NPR3: variants seen among roughly 807,000 people sequenced by gnomAD.
NPR3 encodes atrial natriuretic peptide receptor 3.
A neutral mutation model predicts 54.5 loss-of-function variants in NPR3; 34 were observed. The observed-to-expected ratio is 0.62, with a 90% CI of 0.47 to 0.83. The LOEUF (loss-of-function observed/expected upper bound fraction) is 0.83. NPR3 is among the 40% of genes least tolerant of loss of function. NPR3 has a pLI of 0.00. For synonymous variants in NPR3, 289 were observed against 297.1 expected (o/e 0.97, Z 0.28); for missense variants, 674 against 720.8 (o/e 0.94, Z 0.74).
chr5:32,729,482 G>C (rs1243074304), intron 2 of NPR3, among the ~76,000 whole-genome samples: 1 of 152,174 alleles, frequency 6.6e-6, no homozygotes, highest in Middle Eastern at 3.2e-3. Context: ...TAGAGACTTC[G>C]TGTACAGTTA....
upstream of NPR3, among the ~76,000 whole-genome samples, chr5:32,706,198 C>A (rs936587570): frequency 3.9e-5 from 6 of 152,216 alleles, no homozygotes; most frequent in African/African-American, 1.4e-4. Context: ...CCCCCTTCGC[C>A]TTCTGCCATT....
chr5:32,707,161 A>AAAGAAGTG (rs1738018942), upstream of NPR3, among the ~76,000 whole-genome samples: 1 of 152,178 alleles, frequency 6.6e-6, no homozygotes, highest in South Asian at 2.1e-4. Context: ...GAACATCTTC[A>AAAGAAGTG]AAGAAGTGAA....
intron 3 of NPR3, among the ~76,000 whole-genome samples, chr5:32,769,664 G>A (rs1342863903): frequency 1.3e-5 from 2 of 152,170 alleles, no homozygotes; most frequent in South Asian, 2.1e-4. Flanking sequence ...TTGTGTTCCC[G>A]TGAACACCAA....
chr5:32,693,911 T>G (rs1389954609), intron 1 of NPR3, among the ~76,000 whole-genome samples: 2 of 152,322 alleles, frequency 1.3e-5, no homozygotes, highest in East Asian at 3.9e-4. Context: ...CTCTGTGCCT[T>G]CATACAATCT....
In NPR3 at chr5:32,782,874, GT is replaced by G; in HGVS notation, c.1291-13del. ...CTTTGACTTTTTGGTTTGTCTATTTGTTTTTTGCCTCTATATAGGTTATTGG... is the reference window on the plus strand; with the variant it reads ...CTTTGACTTTTTGGTTTGTCTATTTGTTTTTGCCTCTATATAGGTTATTGG... On this transcript the variant is annotated intron_variant, in intron 5 of 7. Transcript: ENST00000265074. 2 of 1,585,068 alleles carry G rather than the reference GT, an allele frequency of 1.3e-6. No individual in the cohort carries two copies. The highest frequency in any genetic ancestry group is 1.8e-5 in the Admixed American group (1 of 54,516).
intron 3 of NPR3, among the ~76,000 whole-genome samples, chr5:32,755,123 G>A (rs189081330): frequency 2.0e-5 from 3 of 152,328 alleles, no homozygotes; most frequent in African/African-American, 7.2e-5. Flanking sequence ...GCCTCCCAAA[G>A]TGCCGGGATT....
chr5:32,785,289 A>C (rs1476093858), intron 7 of NPR3, among the ~76,000 whole-genome samples: 2 of 152,002 alleles, frequency 1.3e-5, no homozygotes, highest in African/African-American at 4.8e-5. Flanking sequence ...AGCTGGGACT[A>C]CAGGTGCAGA....
At chr5:32,770,950 A>G (rs529221135) in intron 3 of NPR3, among the ~76,000 whole-genome samples, 3 of 152,202 alleles carry the variant, frequency 2.0e-5, no homozygotes, top group Non-Finnish European at 4.4e-5. Flanking sequence ...TTTGAGGTTC[A>G]AGGGTTGTTC....
rs1336379692 is a variant in NPR3 at position 32,791,289 on chromosome 5, G to A, written c.*4944G>A. On this transcript the variant is annotated 3_prime_UTR_variant, in exon 8 of 8. Transcript: ENST00000265074. ...GCATGGTGGATAATTGAAACCAAGA[G>A]GACATGGGATAGACCTTGTGACAGA... 1 of 167,080 alleles carries A rather than the reference G, an allele frequency of 6.0e-6. No individual in the cohort carries two copies. Among genetic ancestry groups the A allele is most frequent in the Admixed American group, 6.5e-5 (1 of 15,286 alleles). 10.3% of individuals were successfully genotyped at this position (167,080 alleles called of 1,614,324 possible).
At chr5:32,707,311 A>G (rs1220719155), upstream of NPR3, among the ~76,000 whole-genome samples, 2 of 152,114 alleles carry the variant, frequency 1.3e-5, no homozygotes, top group Non-Finnish European at 2.9e-5. Flanking sequence ...AAAATATAAA[A>G]TTACTATTAT....
At chr5:32,732,932 C>T (rs1360975495) in intron 2 of NPR3, among the ~76,000 whole-genome samples, 2 of 152,116 alleles carry the variant, frequency 1.3e-5, no homozygotes, top group Non-Finnish European at 2.9e-5. Flanking sequence ...GCAACCTCTG[C>T]CTCCTATGTT....
At chr5:32,738,551 C>A (rs1739872708) in intron 2 of NPR3, among the ~76,000 whole-genome samples, 1 of 152,136 alleles carries the variant, frequency 6.6e-6, no homozygotes, top group Non-Finnish European at 1.5e-5. Flanking sequence ...AAACTGAGTT[C>A]TTTCTCTTAC....
At chr5:32,743,987 ATTTTTTTT>A (rs199604802) in intron 3 of NPR3, among the ~76,000 whole-genome samples, 5 of 113,830 alleles carry the variant, frequency 4.4e-5, no homozygotes, top group Admixed American at 9.7e-5. Context: ...ATTCTGATGC[ATTTTTTTT>A]TTTTTTTTTT....
rs966172026 is a variant in NPR3 at position 32,718,265 on chromosome 5, A to G, written c.769+5720A>G. Among the ~76,000 whole-genome samples, 81 of 152,184 alleles carry G rather than the reference A, an allele frequency of 5.3e-4. 1 individual carries two copies. The highest frequency in any genetic ancestry group is 4.6e-4 in the Admixed American group (7 of 15,280). On this transcript the variant is annotated intron_variant, in intron 1 of 7. Coordinates refer to ENST00000265074, the MANE Select transcript of NPR3 (RefSeq NM_001204375.2). ...TAGCCTTGTAGTATAGTTTGAAGTC[A>G]GGTAGCATGATGCCTATAACTTTGT...
chr5:32,731,975 C>A (rs1739475312), intron 2 of NPR3, among the ~76,000 whole-genome samples: 1 of 152,014 alleles, frequency 6.6e-6, no homozygotes, highest in Non-Finnish European at 1.5e-5. Context: ...GGCGCGGTGG[C>A]TCACGCCTGT....
At chr5:32,702,138 G>T (rs1395738303) in intron 1 of NPR3, among the ~76,000 whole-genome samples, 2 of 152,120 alleles carry the variant, frequency 1.3e-5, no homozygotes, top group Non-Finnish European at 2.9e-5. Context: ...CCTGCCCCTG[G>T]GTAGGTTCAG....
chr5:32,745,250 C>G (rs1265334684), intron 3 of NPR3, among the ~76,000 whole-genome samples: 2 of 152,088 alleles, frequency 1.3e-5, no homozygotes, highest in Admixed American at 6.6e-5. Context: ...ATCTGGAGGT[C>G]CCCTGAAATC....
intron 3 of NPR3, among the ~76,000 whole-genome samples, chr5:32,765,712 A>G (rs543914550): frequency 7.4e-4 from 113 of 152,316 alleles, no homozygotes; most frequent in Admixed American, 1.4e-3. Flanking sequence ...GATGGTTCAG[A>G]GACGACTTCA....
chr5:32,701,004 C>T (rs1023945149), intron 1 of NPR3, among the ~76,000 whole-genome samples: 2 of 152,184 alleles, frequency 1.3e-5, no homozygotes, highest in African/African-American at 2.4e-5. Flanking sequence ...CTAATTTACA[C>T]TTCCACCAAC....
Sources: gnomAD v4.1 joint callset for allele counts (sites outside exome capture counted in the v4.1 genomes callset) on GRCh38, gnomAD v4.1.1 for gene constraint, MANE v1.5 for transcripts, NCBI Gene and HGNC (gene_info 2026-07-23, HGNC 2026-07-21) for gene names.